The following KANK1 variants were observed in gnomAD, a reference collection of about 807,000 sequenced individuals.
KANK1 encodes KN motif and ankyrin repeat domain-containing protein 1.
A neutral mutation model predicts 106.2 loss-of-function variants in KANK1; 109 were observed. That is an observed-to-expected ratio of 1.03 (90% CI 0.88 to 1.20). The LOEUF is 1.20. KANK1 is among the 50% of genes most tolerant of loss of function. The pLI is 0.00. For synonymous variants in KANK1, 873 were observed against 652.2 expected, an observed-to-expected ratio of 1.34 and a Z score of -5.16; for missense variants, 2,399 against 1,710.7, an observed-to-expected ratio of 1.40 and a Z score of -7.10.
intron 1 of KANK1, among the ~76,000 whole-genome samples, chr9:618,888 G>A (rs772975977): frequency 9.9e-5 from 15 of 152,082 alleles, no homozygotes; most frequent in South Asian, 2.1e-4. Flanking sequence ...GGCTCCTCAC[G>A]AGCCTTAAAA....
rs185574612 is a variant in KANK1, at chr9:671,272, T to C, written c.-83-5618T>C. On this transcript the variant is annotated intron_variant, in intron 1 of 11. Coordinates refer to ENST00000382297, the MANE Select transcript of KANK1 (RefSeq NM_015158.5). ...GTTTTTCAGTTTTGGAAGTATTTGATTTTTTGAAACAGTTGACATTCATAT... is the reference window on the plus strand; with the variant it reads ...GTTTTTCAGTTTTGGAAGTATTTGACTTTTTGAAACAGTTGACATTCATAT... 7.9e-5 allele frequency among the ~76,000 whole-genome samples: 12 copies of C among 152,110 alleles called. No individual in the cohort carries two copies. In the East Asian group the frequency reaches 2.3e-3, roughly 29 times the overall value.
chr9:517,569 A>G (rs1471756054), intron 1 of KANK1, among the ~76,000 whole-genome samples: 2 of 151,626 alleles, frequency 1.3e-5, no homozygotes, highest in East Asian at 3.9e-4. Flanking sequence ...CCTTTAGTGA[A>G]ATCCTATGTG....
intron 1 of KANK1, among the ~76,000 whole-genome samples, chr9:537,498 C>T (rs1165495399): frequency 2.0e-5 from 3 of 152,104 alleles, no homozygotes; most frequent in Admixed American, 2.0e-4. Context: ...CTTTGATAAA[C>T]AAGTAATTTG....
intron 1 of KANK1, among the ~76,000 whole-genome samples, chr9:663,346 C>A (rs1163816391): frequency 6.6e-6 from 1 of 152,164 alleles, no homozygotes. Flanking sequence ...AGCAAGACCC[C>A]ACTAACACAG....
At chr9:549,939 G>A (rs1336848873) in intron 1 of KANK1, among the ~76,000 whole-genome samples, 1 of 152,014 alleles carries the variant, frequency 6.6e-6, no homozygotes, top group Admixed American at 6.6e-5. Context: ...GGGTTGAGGG[G>A]GCAGTGGTCA....
At position 533,449 on chromosome 9, in the gene KANK1, A is replaced by C. The variant is rs537225539; in HGVS notation, c.-84+28695A>C. The stretch of plus-strand genomic sequence containing the variant: ...GATGAGGTAAGGCATAATGCATTTA[A>C]AGTGGCAGGCACAGTCTAAATACTA... On this transcript the variant is annotated intron_variant, in intron 1 of 11. Coordinates refer to ENST00000382297, the MANE Select transcript of KANK1 (RefSeq NM_015158.5). Among the ~76,000 whole-genome samples, 3 of 152,368 alleles carry C rather than the reference A, an allele frequency of 2.0e-5. No homozygotes were observed. In the South Asian group the frequency reaches 6.2e-4, roughly 32 times the overall value.
intron 1 of KANK1, among the ~76,000 whole-genome samples, chr9:554,469 A>G (rs1468744518): frequency 6.6e-6 from 1 of 152,226 alleles, no homozygotes; most frequent in African/African-American, 2.4e-5. Context: ...ACTTAGAAAA[A>G]AAGTGCGGTT....
At chr9:718,549 A>G (rs984621252) in intron 3 of KANK1, among the ~76,000 whole-genome samples, 2 of 151,998 alleles carry the variant, frequency 1.3e-5, no homozygotes, top group Non-Finnish European at 1.5e-5. Context: ...GGCTCAAGCA[A>G]TTCGCCTGCC....
chr9:553,030 C>T (rs780879879), intron 1 of KANK1, among the ~76,000 whole-genome samples: 1 of 152,124 alleles, frequency 6.6e-6, no homozygotes, highest in Non-Finnish European at 1.5e-5. Context: ...CCTGTAATCC[C>T]AGCTACTTGG....
intron 1 of KANK1, among the ~76,000 whole-genome samples, chr9:543,611 A>G (rs1049339146): frequency 1.3e-5 from 2 of 151,940 alleles, no homozygotes; most frequent in Admixed American, 6.6e-5. Flanking sequence ...AAGACACACT[A>G]CTGCGTGTTT....
At chr9:648,170 A>G (rs1333779619) in intron 1 of KANK1, among the ~76,000 whole-genome samples, 1 of 144,720 alleles carries the variant, frequency 6.9e-6, no homozygotes, top group East Asian at 1.9e-4. Context: ...CGCCTGGGTA[A>G]TTTTTATATT....
intron 1 of KANK1, among the ~76,000 whole-genome samples, chr9:644,165 A>G (rs79342783): frequency 0.07 from 10,569 of 150,870 alleles, 869 homozygotes; most frequent in African/African-American, 0.13. Flanking sequence ...CTTAATCTCT[A>G]TAACAGAGGA....
At chr9:571,579 T>A (rs56287243) in intron 1 of KANK1, among the ~76,000 whole-genome samples, 27 of 109,418 alleles carry the variant, frequency 2.5e-4, no homozygotes, top group African/African-American at 5.7e-4. Context: ...AAAAAAAAAA[T>A]TTTAAAAACG....
intron 1 of KANK1, among the ~76,000 whole-genome samples, chr9:541,943 G>C (rs1221688313): frequency 6.6e-6 from 1 of 151,268 alleles, no homozygotes; most frequent in Non-Finnish European, 1.5e-5. Context: ...CAAAAAATTA[G>C]CCGGGCGTGG....
chr9:621,718 G>A (rs1003989232), intron 1 of KANK1, among the ~76,000 whole-genome samples: 3 of 151,948 alleles, frequency 2.0e-5, no homozygotes, highest in Non-Finnish European at 2.9e-5. Flanking sequence ...CTCCCATCTC[G>A]TAAGCAGAGC....
At chr9:620,408 T>A (rs1404671019) in intron 1 of KANK1, among the ~76,000 whole-genome samples, 2 of 152,028 alleles carry the variant, frequency 1.3e-5, no homozygotes, top group Non-Finnish European at 2.9e-5. Context: ...AATTATAATT[T>A]TTTTTTTTGG....
chr9:578,648 G>A (rs1484983816), intron 1 of KANK1, among the ~76,000 whole-genome samples: 5 of 152,068 alleles, frequency 3.3e-5, no homozygotes, highest in African/African-American at 7.2e-5. Context: ...AAGCATCAGT[G>A]CAAGTTTTAG....
chr9:581,912 C>CA (rs1006975001), intron 1 of KANK1, among the ~76,000 whole-genome samples: 34 of 152,262 alleles, frequency 2.2e-4, no homozygotes, highest in African/African-American at 7.9e-4. Context: ...ATCTGCCACT[C>CA]AGAGTTTCAC....
chr9:534,521 C>T lies in KANK1; in HGVS notation c.-84+29767C>T, dbSNP rs188927977. Among the ~76,000 whole-genome samples the T allele has an allele frequency of 7.1e-3, 1,087 of 152,330 alleles. 5 individuals are homozygous for T. The highest frequency in any genetic ancestry group is 0.019 in the South Asian group (93 of 4,830). ...CTGGACCATGTTGGCAGACATACGT[C>T]TTTGAAACATACCAGCAGAGAATTA... On this transcript the variant is annotated intron_variant, in intron 1 of 11. Coordinates refer to ENST00000382297, the MANE Select transcript of KANK1 (RefSeq NM_015158.5).
Sources: gnomAD v4.1 joint callset for allele counts (sites outside exome capture counted in the v4.1 genomes callset) on GRCh38, gnomAD v4.1.1 for gene constraint, MANE v1.5 for transcripts, NCBI Gene and HGNC (gene_info 2026-07-23, HGNC 2026-07-21) for gene names.